CCDC30: variants seen among roughly 807,000 people sequenced by gnomAD.
The protein encoded by CCDC30 is coiled-coil domain containing 30.
In CCDC30, 70 loss-of-function variants were observed where a neutral mutation model predicts 100.2. The ratio of observed to expected loss-of-function variants is 0.70; its 90% CI spans 0.58 to 0.85. The LOEUF is 0.85. Ranked by LOEUF, CCDC30 falls within the 40% of genes least tolerant of loss-of-function variation. CCDC30 has a pLI of 0.00. For synonymous variants in CCDC30, 233 were observed against 269.5 expected (o/e 0.86, Z 1.33); for missense variants, 652 against 771.2 (o/e 0.85, Z 1.83).
In CCDC30 at chr1:42,566,369, G is replaced by A. The variant is rs373549506; in HGVS notation, c.530G>A (p.Arg177Gln). 2.1e-5 allele frequency: 34 copies of A among 1,613,670 alleles called. No individual in the cohort carries two copies. The highest frequency in any genetic ancestry group is 1.6e-4 in the Middle Eastern group (1 of 6,084). The stretch of plus-strand genomic sequence containing the variant: ...CAACAACTTCACCAGAATTTGCACC[G>A]GCTCCAGATTCTATGCAACTCAGCT... The change falls in exon 7 of 17, where the codon CGG (arginine) becomes CAG (glutamine). Residue 177 changes from arginine to glutamine, a missense_variant. By Grantham distance (43) the Arg-to-Gln change is conservative (BLOSUM62 1). Coordinates refer to ENST00000668663, the Ensembl canonical transcript of CCDC30.
intron 11 of CCDC30, among the ~76,000 whole-genome samples, chr1:42,625,361 C>T (rs1646913430): frequency 6.6e-6 from 1 of 151,984 alleles, no homozygotes; most frequent in South Asian, 2.1e-4. Context: ...TTCTTCATTT[C>T]GATTTCATTT....
At chr1:42,549,639 A>G (rs1645210099) in intron 6 of CCDC30, among the ~76,000 whole-genome samples, 2 of 152,194 alleles carry the variant, frequency 1.3e-5, no homozygotes, top group African/African-American at 4.8e-5. Context: ...GTTCTTGACT[A>G]TGTCTCCAGT....
At chr1:42,654,599 G>GA (rs1648598778), downstream of CCDC30, 1 of 152,230 alleles carries the variant, frequency 6.6e-6, no homozygotes, top group South Asian at 2.1e-4. Context: ...TGAGGCAGGA[G>GA]AATGGCGTGA....
intron 6 of CCDC30, among the ~76,000 whole-genome samples, chr1:42,551,980 G>A (rs905895955): frequency 2.0e-5 from 3 of 151,794 alleles, no homozygotes; most frequent in Non-Finnish European, 2.9e-5. Context: ...TGCCCAGGCT[G>A]GTCTCGAACT....
intron 7 of CCDC30, among the ~76,000 whole-genome samples, chr1:42,575,808 C>T (rs1357681054): frequency 6.6e-6 from 1 of 152,018 alleles, no homozygotes; most frequent in Non-Finnish European, 1.5e-5. Context: ...TGAGTAAGGA[C>T]ATTTCAGATT....
At chr1:42,557,717 AAAT>A (rs1227554197) in intron 6 of CCDC30, among the ~76,000 whole-genome samples, 7 of 139,386 alleles carry the variant, frequency 5.0e-5, no homozygotes, top group Non-Finnish European at 1.1e-4. Context: ...TAAAATATGT[AAAT>A]AATAAAATAT....
intron 6 of CCDC30, among the ~76,000 whole-genome samples, chr1:42,520,978 CTTTTTTT>C: frequency 7.5e-6 from 1 of 133,284 alleles, no homozygotes; most frequent in Non-Finnish European, 1.6e-5. Context: ...TTTCTTTTTT[CTTTTTTT>C]TTTTTTGAGA....
chr1:42,522,000 G>A (rs772124569), intron 6 of CCDC30, among the ~76,000 whole-genome samples: 24 of 151,794 alleles, frequency 1.6e-4, no homozygotes, highest in Non-Finnish European at 3.4e-4. Context: ...TTTATTCCAG[G>A]ACCCCTCACA....
chr1:42,456,289 G>A, the CCDC30 span: 4 of 595,444 alleles, frequency 6.7e-6, no homozygotes, highest in Non-Finnish European at 1.2e-5. Flanking sequence ...GTCAAACATG[G>A]CCAGTTCTTC....
intron 11 of CCDC30, among the ~76,000 whole-genome samples, chr1:42,613,736 C>T (rs571663515): frequency 6.6e-6 from 1 of 152,254 alleles, no homozygotes; most frequent in East Asian, 1.9e-4. Flanking sequence ...GGAGTGAGGA[C>T]GACCAGAGGT....
chr1:42,575,804 A>G (rs116636372), intron 7 of CCDC30, among the ~76,000 whole-genome samples: 4,376 of 152,256 alleles, frequency 0.029, 79 homozygotes, highest in Non-Finnish European at 0.045. Context: ...GTGATGAGTA[A>G]GGACATTTCA....
intron 6 of CCDC30, among the ~76,000 whole-genome samples, chr1:42,548,531 A>G (rs1049105467): frequency 3.0e-4 from 46 of 152,306 alleles, no homozygotes; most frequent in African/African-American, 9.4e-4. Flanking sequence ...AAAAATAGAC[A>G]AGGAATTGCA....
chr1:42,577,807 A>AT (rs1226581625), intron 8 of CCDC30, among the ~76,000 whole-genome samples: 1 of 151,658 alleles, frequency 6.6e-6, no homozygotes, highest in Non-Finnish European at 1.5e-5. Context: ...CGCCCGGCTA[A>AT]TTTTTTGTAT....
At chr1:42,642,481 A>C (rs1401513534) in exon 13 of CCDC30, 1 of 1,570,674 alleles carries the variant, frequency 6.4e-7, no homozygotes, top group South Asian at 1.2e-5. Context: ...AGGAGAAGGC[A>C]ATACAGGACC....
intron 10 of CCDC30, among the ~76,000 whole-genome samples, chr1:42,598,347 A>G (rs1646334149): frequency 6.6e-6 from 1 of 150,728 alleles, no homozygotes; most frequent in Non-Finnish European, 1.5e-5. Context: ...TGATAACCTT[A>G]TCTCTACAAA....
At chr1:42,484,160 T>C (rs1644013033) in intron 3 of CCDC30, among the ~76,000 whole-genome samples, 1 of 151,986 alleles carries the variant, frequency 6.6e-6, no homozygotes, top group Non-Finnish European at 1.5e-5. Flanking sequence ...GGATGTAAAT[T>C]TTTTATAAGT....
intron 6 of CCDC30, among the ~76,000 whole-genome samples, chr1:42,518,287 A>G (rs1342117685): frequency 6.6e-6 from 1 of 152,166 alleles, no homozygotes; most frequent in Non-Finnish European, 1.5e-5. Context: ...AGAGTATAGA[A>G]ATGCAACTAA....
intron 6 of CCDC30, among the ~76,000 whole-genome samples, chr1:42,502,136 C>T (rs1447295941): frequency 6.6e-6 from 1 of 152,180 alleles, no homozygotes; most frequent in African/African-American, 2.4e-5. Context: ...CTTTGTTTAC[C>T]TACTCAAGCC....
At chr1:42,578,376 G>C (rs1336024381) in intron 8 of CCDC30, among the ~76,000 whole-genome samples, 1 of 152,200 alleles carries the variant, frequency 6.6e-6, no homozygotes, top group African/African-American at 2.4e-5. Flanking sequence ...ATTAACTGAA[G>C]GGGGCACTAG....
Sources: gnomAD v4.1 joint callset for allele counts (sites outside exome capture counted in the v4.1 genomes callset) on GRCh38, gnomAD v4.1.1 for gene constraint, MANE v1.5 for transcripts, NCBI Gene and HGNC (gene_info 2026-07-23, HGNC 2026-07-21) for gene names.